The following ZMAT4 variants were observed in gnomAD, a reference collection of about 807,000 sequenced individuals.
ZMAT4 encodes zinc finger matrin-type 4.
In ZMAT4, 17 loss-of-function variants were observed where a neutral mutation model predicts 28.7. The ratio of observed to expected loss-of-function variants is 0.59; its 90% confidence interval spans 0.41 to 0.89. The LOEUF is 0.89. ZMAT4 is among the 40% of genes least tolerant of loss of function. The probability of loss-of-function intolerance (pLI) is 0.00; values close to 1 mark genes in which losing one functional copy is unlikely to be tolerated. For missense variants in ZMAT4, 240 were observed against 283.8 expected (o/e 0.85, Z 1.11); for synonymous variants, 117 against 109.2 (o/e 1.07, Z -0.44).
In ZMAT4 at chr8:40,614,361, A is replaced by G. The variant is rs1230511549; in HGVS notation, c.578-33100T>C. Among the ~76,000 whole-genome samples the G allele has an allele frequency of 2.0e-5, 3 of 152,242 alleles. No homozygotes were observed. In the East Asian group the frequency reaches 5.8e-4, roughly 29 times the overall value. On this transcript the variant is annotated intron_variant, in intron 5 of 6. Transcript: ENST00000297737. ...TATGAAGGGAAAATAAAAAATAAAT[A>G]GTTATTAGTTTAAAAGCTTGTCAGA...
chr8:40,702,040 G>A (rs1810172229), intron 3 of ZMAT4, among the ~76,000 whole-genome samples: 1 of 152,158 alleles, frequency 6.6e-6, no homozygotes. Context: ...GAGTGGGATT[G>A]CTGTAAAAGC....
intron 1 of ZMAT4, among the ~76,000 whole-genome samples, chr8:40,832,934 T>C (rs909069553): frequency 6.6e-5 from 10 of 152,214 alleles, no homozygotes; most frequent in Non-Finnish European, 1.2e-4. Flanking sequence ...TGAGTTTTTA[T>C]TCCCTGAACC....
chr8:40,795,102 G>A (rs752237660), intron 2 of ZMAT4, among the ~76,000 whole-genome samples: 14 of 152,016 alleles, frequency 9.2e-5, no homozygotes, highest in Non-Finnish European at 1.8e-4. Context: ...TATGATCCTG[G>A]CATTATGGTA....
Position 40,532,216 on chromosome 8 carries a change from G to T in ZMAT4, c.*7C>A. 1 of 1,597,528 alleles carries T rather than the reference G, an allele frequency of 6.3e-7. No homozygotes were observed. Among genetic ancestry groups the T allele is most frequent in the Non-Finnish European group, 8.5e-7 (1 of 1,171,898 alleles). On this transcript the variant is annotated 3_prime_UTR_variant, in exon 7 of 7. Coordinates refer to ENST00000297737, the MANE Select transcript of ZMAT4 (RefSeq NM_024645.3). ...GTTTTGTTCTTATGTCTTGATTGATGCTTTCACTACTTATTCTTCAGGCTA... is the reference window on the plus strand; with the variant it reads ...GTTTTGTTCTTATGTCTTGATTGATTCTTTCACTACTTATTCTTCAGGCTA...
intron 6 of ZMAT4, among the ~76,000 whole-genome samples, chr8:40,569,355 T>C (rs912347153): frequency 2.0e-5 from 3 of 152,228 alleles, no homozygotes; most frequent in African/African-American, 7.2e-5. Context: ...CAGAGAAATG[T>C]TGGCTAAACT....
intron 2 of ZMAT4, among the ~76,000 whole-genome samples, chr8:40,768,492 CAGTCAG>C (rs1813253782): frequency 6.6e-6 from 1 of 152,146 alleles, no homozygotes; most frequent in Non-Finnish European, 1.5e-5. Flanking sequence ...TTAAAGAATA[CAGTCAG>C]AACTTCAAGT....
intron 1 of ZMAT4, among the ~76,000 whole-genome samples, chr8:40,869,008 A>T (rs1219386786): frequency 6.6e-6 from 1 of 152,006 alleles, no homozygotes; most frequent in South Asian, 2.1e-4. Flanking sequence ...CATTTTCTCT[A>T]CCTGTCCAAC....
chr8:40,574,788 C>T (rs915303725), intron 6 of ZMAT4, among the ~76,000 whole-genome samples: 1 of 152,128 alleles, frequency 6.6e-6, no homozygotes, highest in African/African-American at 2.4e-5. Flanking sequence ...CTCGCCAGCC[C>T]ACATTGTCAC....
chr8:40,854,713 A>G (rs1230208974), intron 1 of ZMAT4, among the ~76,000 whole-genome samples: 1 of 152,158 alleles, frequency 6.6e-6, no homozygotes, highest in Non-Finnish European at 1.5e-5. Context: ...GGATAAGGCA[A>G]AAGGATGGCA....
intron 3 of ZMAT4, among the ~76,000 whole-genome samples, chr8:40,765,909 G>A (rs756083537): frequency 2.6e-4 from 40 of 152,124 alleles, no homozygotes; most frequent in Non-Finnish European, 4.4e-4. Context: ...AGTAAAAAAC[G>A]AATTCTATTC....
intron 1 of ZMAT4, among the ~76,000 whole-genome samples, chr8:40,851,628 T>G (rs960083735): frequency 1.3e-5 from 2 of 152,186 alleles, no homozygotes; most frequent in African/African-American, 4.8e-5. Context: ...ATTGCACATA[T>G]GTATGGAGTA....
intron 6 of ZMAT4, among the ~76,000 whole-genome samples, chr8:40,550,208 C>A (rs879505614): frequency 1.3e-5 from 2 of 152,108 alleles, no homozygotes; most frequent in South Asian, 4.1e-4. Context: ...CCAGAGGGCT[C>A]CTCTGAAGAG....
intron 3 of ZMAT4, among the ~76,000 whole-genome samples, chr8:40,766,648 C>G (rs1361401283): frequency 6.6e-6 from 1 of 152,184 alleles, no homozygotes; most frequent in East Asian, 1.9e-4. Context: ...GTATGAACAG[C>G]TCATTTTGTG....
At chr8:40,607,286 G>A (rs1237859254) in intron 5 of ZMAT4, among the ~76,000 whole-genome samples, 1 of 151,464 alleles carries the variant, frequency 6.6e-6, no homozygotes, top group Non-Finnish European at 1.5e-5. Context: ...CACCACCCCT[G>A]GCTAATTTTT....
intron 3 of ZMAT4, among the ~76,000 whole-genome samples, chr8:40,715,797 G>A (rs369742259): frequency 1.1e-3 from 166 of 152,300 alleles, no homozygotes; most frequent in African/African-American, 3.7e-3. Flanking sequence ...ACTAATCTGG[G>A]TCCCTTCGTT....
intron 2 of ZMAT4, among the ~76,000 whole-genome samples, chr8:40,804,143 T>C (rs1350361101): frequency 6.6e-6 from 1 of 152,228 alleles, no homozygotes; most frequent in Non-Finnish European, 1.5e-5. Context: ...CTCTGTATGA[T>C]ACTATAATCC....
chr8:40,863,874 C>T (rs12546886), intron 1 of ZMAT4, among the ~76,000 whole-genome samples: 35,151 of 152,152 alleles, frequency 0.23, 4,902 homozygotes, highest in East Asian at 0.4. Flanking sequence ...ATTTTACACA[C>T]ACAAGTTTAT....
chr8:40,583,514 C>G (rs949947685), intron 5 of ZMAT4, among the ~76,000 whole-genome samples: 4 of 152,110 alleles, frequency 2.6e-5, no homozygotes, highest in African/African-American at 7.2e-5. Flanking sequence ...AGCTACTTAG[C>G]CCGTATTAAG....
chr8:40,786,701 A>T, intron 2 of ZMAT4: 6 of 1,289,024 alleles, frequency 4.7e-6, no homozygotes, highest in Non-Finnish European at 5.1e-6. Flanking sequence ...GTCAGAATTC[A>T]CACAGCCACC....
Sources: allele counts gnomAD v4.1 joint callset (sites outside exome capture counted in the v4.1 genomes callset), GRCh38; gene constraint gnomAD v4.1.1; transcripts MANE v1.5; gene names NCBI Gene and HGNC (gene_info 2026-07-23, HGNC 2026-07-21).